The following SHISA9 variants were observed in gnomAD, a reference collection of about 807,000 sequenced individuals.
SHISA9 encodes the protein shisa family member 9, also known as protein shisa-9.
Under a neutral mutation model 38.0 loss-of-function variants are expected in SHISA9, and 13 were observed. The ratio of observed to expected loss-of-function variants is 0.34; its 90% CI spans 0.22 to 0.54. The LOEUF is 0.54. Ranked by LOEUF, SHISA9 falls within the 20% of genes least tolerant of loss-of-function variation. The pLI is 0.91. For synonymous variants in SHISA9, 275 were observed against 242.0 expected, an observed-to-expected ratio of 1.14 and a Z score of -1.27; for missense variants, 538 against 575.8, an observed-to-expected ratio of 0.93 and a Z score of 0.67.
At chr16:13,318,228 T>C in the SHISA9 span, among the ~76,000 whole-genome samples, 1 of 152,352 alleles carries the variant, frequency 6.6e-6, no homozygotes, top group African/African-American at 2.4e-5. Flanking sequence ...AGCCATCCTG[T>C]GCATTGTAGG....
chr16:13,555,996 CAA>C, the SHISA9 span, among the ~76,000 whole-genome samples: 1 of 152,098 alleles, frequency 6.6e-6, no homozygotes, highest in African/African-American at 2.4e-5. Context: ...GTTAGAAAAA[CAA>C]AAGAGAGAAA....
At chr16:13,375,925 A>G in the SHISA9 span, among the ~76,000 whole-genome samples, 1 of 152,154 alleles carries the variant, frequency 6.6e-6, no homozygotes, top group African/African-American at 2.4e-5. Flanking sequence ...TGATCCTAAA[A>G]TTTATATGGG....
intron 1 of SHISA9, among the ~76,000 whole-genome samples, chr16:12,915,756 C>T (rs552321574): frequency 3.3e-5 from 5 of 152,162 alleles, no homozygotes; most frequent in Non-Finnish European, 5.9e-5. Context: ...CTAACACTCA[C>T]GTGTGAACAA....
rs779946553 is a variant in SHISA9 at position 13,161,092 on chromosome 16, G to A, written c.692-42302G>A. The stretch of plus-strand genomic sequence containing the variant: ...AACCAAAGACTTATGTATTTCAGTG[G>A]AGCCGTGGAAATTCTCACTTTTCTG... On this transcript the variant is annotated intron_variant, in intron 2 of 4. Transcript: ENST00000558583. Among the ~76,000 whole-genome samples, 52 of 152,286 alleles carry A rather than the reference G, an allele frequency of 3.4e-4. 1 individual carries two copies. Among genetic ancestry groups the A allele is most frequent in the Non-Finnish European group, 7.1e-4 (48 of 68,030 alleles).
At chr16:13,127,089 G>A (rs1424396937) in intron 2 of SHISA9, among the ~76,000 whole-genome samples, 1 of 146,820 alleles carries the variant, frequency 6.8e-6, no homozygotes, top group African/African-American at 2.5e-5. Context: ...AGACAGCTGA[G>A]GGAAGGAAAG....
rs185867465 is a variant in SHISA9, at chr16:13,208,813, G to A, written c.848-4440G>A. ...TCCCACTGAGGCATGAACCAAATCT[G>A]TCCCATTTGTCAATGTATCCCCAGC... is the stretch of plus-strand genomic sequence containing the variant. On this transcript the variant is annotated intron_variant, in intron 3 of 4. Coordinates refer to ENST00000558583, the MANE Select transcript of SHISA9 (RefSeq NM_001145204.3). Among the ~76,000 whole-genome samples the A allele has an allele frequency of 1.3e-3, 198 of 152,262 alleles. 1 individual carries two copies. The highest frequency in any genetic ancestry group is 4.6e-3 in the African/African-American group (192 of 41,546).
At chr16:13,212,044 C>CG (rs1216497580) in intron 3 of SHISA9, among the ~76,000 whole-genome samples, 6 of 152,178 alleles carry the variant, frequency 3.9e-5, no homozygotes, top group East Asian at 3.9e-4. Flanking sequence ...TTCAGATCCA[C>CG]GGGGGGGATG....
chr16:13,102,412 G>A (rs76636679), intron 2 of SHISA9, among the ~76,000 whole-genome samples: 3,628 of 152,258 alleles, frequency 0.024, 64 homozygotes, highest in South Asian at 0.052. Context: ...TTCTCTTCCA[G>A]GTCCTTCTGT....
the SHISA9 span, among the ~76,000 whole-genome samples, chr16:13,469,606 C>G: frequency 6.6e-6 from 1 of 152,168 alleles, no homozygotes; most frequent in Non-Finnish European, 1.5e-5. Flanking sequence ...TGTTCTCAAA[C>G]CTTCTCCCAC....
chr16:13,122,925 T>C (rs1217137481), intron 2 of SHISA9, among the ~76,000 whole-genome samples: 1 of 152,122 alleles, frequency 6.6e-6, no homozygotes, highest in Non-Finnish European at 1.5e-5. Flanking sequence ...CAGGTGCCTG[T>C]AGTTCCAGCT....
At chr16:12,981,318 G>A (rs906672804) in intron 2 of SHISA9, among the ~76,000 whole-genome samples, 1 of 152,236 alleles carries the variant, frequency 6.6e-6, no homozygotes, top group African/African-American at 2.4e-5. Context: ...TTGGAGCAGA[G>A]TTCTCAGTTG....
At chr16:13,183,878 G>C (rs1270807838) in intron 2 of SHISA9, among the ~76,000 whole-genome samples, 2 of 152,184 alleles carry the variant, frequency 1.3e-5, no homozygotes, top group African/African-American at 2.4e-5. Context: ...CCATGGATTG[G>C]ATGTGAAGTT....
the SHISA9 span, among the ~76,000 whole-genome samples, chr16:13,426,222 G>A: frequency 1.3e-5 from 2 of 152,162 alleles, no homozygotes; most frequent in South Asian, 2.1e-4. Flanking sequence ...GGATCCTTGC[G>A]AAGTGTTTTA....
chr16:12,909,656 C>G, intron 1 of SHISA9: 1 of 964,878 alleles, frequency 1.0e-6, no homozygotes, highest in Non-Finnish European at 1.2e-6. Context: ...ATGTCATCTT[C>G]TCTGAGAAGC....
the SHISA9 span, among the ~76,000 whole-genome samples, chr16:13,443,844 C>T: frequency 1.3e-5 from 2 of 152,084 alleles, no homozygotes; most frequent in Non-Finnish European, 2.9e-5. Flanking sequence ...ACATTATTTT[C>T]TGTCTCTTAT....
chr16:13,180,954 C>T (rs1039447087), intron 2 of SHISA9, among the ~76,000 whole-genome samples: 5 of 151,988 alleles, frequency 3.3e-5, no homozygotes, highest in African/African-American at 1.2e-4. Flanking sequence ...AGTGTTAATT[C>T]ACTATTTTTT....
the SHISA9 span, among the ~76,000 whole-genome samples, chr16:13,514,102 C>T: frequency 3.9e-5 from 6 of 152,126 alleles, no homozygotes; most frequent in South Asian, 1.2e-3. Context: ...TCAAGTGATT[C>T]TCCTGCCTCA....
rs142301125 is a variant in SHISA9, at chr16:13,191,263, T to C, written c.692-12131T>C. Among the ~76,000 whole-genome samples, 79 of 152,366 alleles carry C rather than the reference T, an allele frequency of 5.2e-4. No homozygotes were observed. The East Asian group carries it at 0.014, about 28-fold the overall frequency. On this transcript the variant is annotated intron_variant, in intron 2 of 4. Transcript: ENST00000558583. ...GTTCTTATGAGACTAACTAGTGCAATTGGCCCCAGCAGGGACATCTCCTGC... is the reference window on the plus strand; with the variant it reads ...GTTCTTATGAGACTAACTAGTGCAACTGGCCCCAGCAGGGACATCTCCTGC...
intron 2 of SHISA9, among the ~76,000 whole-genome samples, chr16:13,133,379 A>T (rs1436132674): frequency 6.6e-6 from 1 of 152,194 alleles, no homozygotes. Context: ...TTTTCTTGAA[A>T]AAAGTAATAG....
Sources: allele counts gnomAD v4.1 joint callset (sites outside exome capture counted in the v4.1 genomes callset), GRCh38; gene constraint gnomAD v4.1.1; transcripts MANE v1.5; gene names NCBI Gene and HGNC (gene_info 2026-07-23, HGNC 2026-07-21).